The following FMN2 variants were observed in gnomAD, a reference collection of about 807,000 sequenced individuals.
FMN2 encodes the protein formin-2.
FMN2 carries 51 observed loss-of-function variants against 142.3 expected under a neutral mutation model. The ratio of observed to expected loss-of-function variants is 0.36; its 90% CI spans 0.29 to 0.45. The LOEUF is 0.45. FMN2 is among the 20% of genes least tolerant of loss of function. The pLI, the probability that FMN2 is intolerant of heterozygous loss-of-function variation, is 1.00. For missense variants in FMN2, 1,936 were observed against 2,122.8 expected (o/e 0.91, Z 1.73); for synonymous variants, 882 against 869.8 (o/e 1.01, Z -0.25).
chr1:240,293,874 T>G (rs753933005), intron 7 of FMN2, among the ~76,000 whole-genome samples: 7 of 152,072 alleles, frequency 4.6e-5, no homozygotes, highest in Non-Finnish European at 8.8e-5. Flanking sequence ...CTTTTTAAAT[T>G]CTTTCTTGGG....
At chr1:240,340,611 G>A (rs2103028292) in intron 13 of FMN2, among the ~76,000 whole-genome samples, 1 of 152,004 alleles carries the variant, frequency 6.6e-6, no homozygotes, top group South Asian at 2.1e-4. Context: ...CCCTTGTTTT[G>A]GAATGATAGT....
chr1:240,416,893 T>A (rs1226904138), intron 15 of FMN2, among the ~76,000 whole-genome samples: 1 of 152,092 alleles, frequency 6.6e-6, no homozygotes, highest in African/African-American at 2.4e-5. Context: ...TTTTAATTTT[T>A]CTTTTTTTAA....
chr1:240,308,671 AGAGAT>A (rs1252421987), intron 8 of FMN2, among the ~76,000 whole-genome samples: 3 of 30,100 alleles, frequency 1.0e-4, no homozygotes, highest in Non-Finnish European at 1.6e-4. Context: ...TTCAGAGTTA[AGAGAT>A]GATAGTGGCT....
chr1:240,320,383 G>A (rs1670931453), intron 8 of FMN2, among the ~76,000 whole-genome samples: 1 of 152,184 alleles, frequency 6.6e-6, no homozygotes, highest in Non-Finnish European at 1.5e-5. Context: ...AAGGAAGAAT[G>A]AGCCTGTTTC....
At chr1:240,451,179 A>G (rs533056697) in intron 16 of FMN2, among the ~76,000 whole-genome samples, 1 of 152,232 alleles carries the variant, frequency 6.6e-6, no homozygotes, top group South Asian at 2.1e-4. Flanking sequence ...CAGCCTCGAC[A>G]AGATGGCGAA....
At chr1:240,321,477 G>T (rs1670971277) in intron 8 of FMN2, among the ~76,000 whole-genome samples, 1 of 152,158 alleles carries the variant, frequency 6.6e-6, no homozygotes, top group Non-Finnish European at 1.5e-5. Flanking sequence ...GAATCTGGGA[G>T]CTCTGTGTAA....
At chr1:240,447,747 GT>G (rs1675875945) in intron 16 of FMN2, among the ~76,000 whole-genome samples, 1 of 152,164 alleles carries the variant, frequency 6.6e-6, no homozygotes, top group African/African-American at 2.4e-5. Flanking sequence ...TACTAATGAA[GT>G]TTCTCTTGCG....
intron 16 of FMN2, among the ~76,000 whole-genome samples, chr1:240,442,462 G>A (rs1401629174): frequency 6.6e-6 from 1 of 152,176 alleles, no homozygotes; most frequent in Admixed American, 6.5e-5. Flanking sequence ...AGGAAGAACA[G>A]TTTCCCCAAA....
At chr1:240,096,131 T>G (rs976299058) in intron 1 of FMN2, among the ~76,000 whole-genome samples, 23 of 152,200 alleles carry the variant, frequency 1.5e-4, no homozygotes, top group Non-Finnish European at 7.4e-5. Context: ...CACACTGTGA[T>G]TCATTCAGAG....
At chr1:240,358,081 C>T (rs1255510706) in intron 14 of FMN2, among the ~76,000 whole-genome samples, 1 of 152,210 alleles carries the variant, frequency 6.6e-6, no homozygotes, top group African/African-American at 2.4e-5. Flanking sequence ...GTCTTCATGG[C>T]ACCTCTTCCA....
intron 2 of FMN2, among the ~76,000 whole-genome samples, chr1:240,142,335 G>A (rs1380276578): frequency 6.6e-6 from 1 of 152,108 alleles, no homozygotes; most frequent in African/African-American, 2.4e-5. Context: ...GTAATGAACC[G>A]AGCTATTTTG....
chr1:240,338,270 T>C (rs558018746), intron 13 of FMN2, among the ~76,000 whole-genome samples: 6 of 152,336 alleles, frequency 3.9e-5, no homozygotes, highest in African/African-American at 1.4e-4. Context: ...TCCAGAGATT[T>C]ATAGGAAAAA....
chr1:240,278,478 G>A (rs1480759132), intron 7 of FMN2, among the ~76,000 whole-genome samples: 1 of 152,122 alleles, frequency 6.6e-6, no homozygotes, highest in African/African-American at 2.4e-5. Context: ...TTGGGGGAGA[G>A]GTTGAGTTTT....
chr1:240,098,175 C>T (rs1469562454), intron 1 of FMN2, among the ~76,000 whole-genome samples: 2 of 142,112 alleles, frequency 1.4e-5, no homozygotes, highest in East Asian at 4.3e-4. Flanking sequence ...GATCTTGGCT[C>T]ACTGCAACCT....
intron 2 of FMN2, chr1:240,144,482 C>G: frequency 6.4e-7 from 1 of 1,550,442 alleles, no homozygotes; most frequent in Admixed American, 1.7e-5. Context: ...CCCATGCCAG[C>G]CTAGCATGAA....
intron 2 of FMN2, among the ~76,000 whole-genome samples, chr1:240,148,950 T>C (rs539149932): frequency 5.4e-5 from 8 of 147,406 alleles, no homozygotes; most frequent in South Asian, 2.2e-4. Context: ...CCAGCCTGGG[T>C]GACAGAGCGA....
intron 7 of FMN2, among the ~76,000 whole-genome samples, chr1:240,287,866 T>A (rs938858933): frequency 3.3e-5 from 5 of 152,172 alleles, no homozygotes; most frequent in Non-Finnish European, 7.4e-5. Context: ...AACTTGAGAC[T>A]CTCTGGGTTA....
At chr1:240,355,735 C>T (rs1032902457) in intron 13 of FMN2, 81 bp from the exon 14 acceptor site, 37 of 918,702 alleles carry the variant, frequency 4.0e-5, no homozygotes, top group Admixed American at 6.3e-5. Context: ...AATTTTCTAA[C>T]ATTAGCTAAG....
chr1:240,391,788 G>A (rs1300956955), intron 14 of FMN2, among the ~76,000 whole-genome samples: 1 of 151,280 alleles, frequency 6.6e-6, no homozygotes, highest in African/African-American at 2.4e-5. Context: ...AATGGGTGAA[G>A]GTGAAGTAGT....
Sources: allele counts gnomAD v4.1 joint callset (sites outside exome capture counted in the v4.1 genomes callset), GRCh38; gene constraint gnomAD v4.1.1; transcripts MANE v1.5; gene names NCBI Gene and HGNC (gene_info 2026-07-23, HGNC 2026-07-21).